The following MAPK8IP3 variants were observed in gnomAD, a reference collection of about 807,000 sequenced individuals.
MAPK8IP3 encodes the protein mitogen-activated protein kinase 8 interacting protein 3, also known as C-Jun-amino-terminal kinase-interacting protein 3.
In MAPK8IP3, 49 loss-of-function variants were observed where a neutral mutation model predicts 157.8. That is an observed-to-expected ratio of 0.31 (90% CI 0.25 to 0.39). MAPK8IP3 has a LOEUF of 0.39. Ranked by LOEUF, MAPK8IP3 falls within the 10% of genes least tolerant of loss-of-function variation. The pLI is 1.00. For missense variants in MAPK8IP3, 1,478 were observed against 1,889.4 expected (o/e 0.78, Z 4.04); for synonymous variants, 897 against 777.7 (o/e 1.15, Z -2.55).
rs947074544 is a variant in MAPK8IP3, at chr16:1,770,009, G to C, written c.*1185G>C. On this transcript the variant is annotated 3_prime_UTR_variant, in exon 32 of 32. Transcript: ENST00000610761. Reference sequence around the variant, plus strand: ...AGGCCCACTGCACTCCTGTCTGGGAGGCCCTTATGAGGGCAGCCCAGCCCC... The same window carrying C: ...AGGCCCACTGCACTCCTGTCTGGGACGCCCTTATGAGGGCAGCCCAGCCCC... The C allele has an allele frequency of 6.6e-6, 1 of 152,386 alleles. No individual in the cohort carries two copies. The highest frequency in any genetic ancestry group is 1.5e-5 in the Non-Finnish European group (1 of 68,178). 9.4% of individuals were successfully genotyped at this position (152,386 alleles called of 1,614,324 possible).
intron 28 of MAPK8IP3, 58 bp from the exon 29 acceptor site, chr16:1,768,011 C>T (rs2042376551): frequency 1.2e-6 from 2 of 1,610,518 alleles, no homozygotes; most frequent in East Asian, 2.2e-5. Flanking sequence ...TGGAGGGTGC[C>T]TTGCTGCCCC....
At position 1,768,931 on chromosome 16, in the gene MAPK8IP3, C is replaced by G; in HGVS notation, c.*107C>G. The G allele has an allele frequency of 7.5e-7, 1 of 1,327,366 alleles. No homozygotes were observed. The highest frequency in any genetic ancestry group is 1.3e-5 in the South Asian group (1 of 74,620). 82.2% of individuals were successfully genotyped at this position (1,327,366 alleles called of 1,614,324 possible). On this transcript the variant is annotated 3_prime_UTR_variant, in exon 32 of 32. Transcript: ENST00000610761. ...GGCGCCGCCGCCCCTCTTCTAACCT[C>G]TCAACCTGCAGCTTTCACCTGAGTC... is the stretch of plus-strand genomic sequence containing the variant.
chr16:1,739,990 G>C lies in MAPK8IP3; in HGVS notation c.603-3342G>C, dbSNP rs528564062. 6.1e-5 allele frequency among the ~76,000 whole-genome samples: 8 copies of C among 132,018 alleles called. No individual in the cohort carries two copies. The East Asian group carries it at 9.3e-4, about 15-fold the overall frequency. The allele number at this position is 132,018 out of a possible 152,430, so 86.6% of individuals were successfully genotyped here. On this transcript the variant is annotated intron_variant, in intron 4 of 31. Transcript: ENST00000610761. ...TGTGAGCGTGTGACCGTCCGTGTGAGCATCCGTGTGACCATCCGTGTGAGC... is the reference window on the plus strand; with the variant it reads ...TGTGAGCGTGTGACCGTCCGTGTGACCATCCGTGTGACCATCCGTGTGAGC...
intron 19 of MAPK8IP3, 100 bp from the exon 20 acceptor site, chr16:1,764,913 A>G: frequency 8.0e-7 from 1 of 1,242,364 alleles, no homozygotes; most frequent in Non-Finnish European, 1.1e-6. Context: ...AGCTGTAGTC[A>G]AGGCTGGATC....
intron 4 of MAPK8IP3, among the ~76,000 whole-genome samples, chr16:1,736,645 ACCG>A (rs2039880730): frequency 1.7e-5 from 1 of 57,282 alleles, no homozygotes; most frequent in Non-Finnish European, 3.2e-5. Context: ...TGAGCGTGTG[ACCG>A]TCCGTGTGAG....
At position 1,758,041 on chromosome 16, in the gene MAPK8IP3, A is replaced by C. The variant is rs1330608210; in HGVS notation, c.1217-107A>C. On this transcript the variant is annotated intron_variant, in intron 8 of 31. Coordinates refer to ENST00000610761, the MANE Select transcript of MAPK8IP3 (RefSeq NM_001318852.2). ...CTGCCCTGCAACATGGGAGCAGCCG[A>C]ATCATTGCTGGGTTTTCTGTAATAA... 3 of 1,158,310 alleles carry C rather than the reference A, an allele frequency of 2.6e-6. No homozygotes were observed. The East Asian group carries it at 7.2e-5, about 28-fold the overall frequency. 71.8% of individuals were successfully genotyped at this position (1,158,310 alleles called of 1,614,324 possible). A position where few individuals can be genotyped will look rare whatever the true frequency, so the allele number is the denominator to read the frequency against.
chr16:1,745,523 A>T (rs2040909930), intron 5 of MAPK8IP3: 1 of 152,344 alleles, frequency 6.6e-6, no homozygotes, highest in Non-Finnish European at 1.5e-5. Context: ...CATTTCTACA[A>T]AGCCACTCCG....
At chr16:1,761,039 C>G (rs999041754) in intron 12 of MAPK8IP3, among the ~76,000 whole-genome samples, 185 bp from the exon 13 acceptor site, 1 of 152,236 alleles carries the variant, frequency 6.6e-6, no homozygotes, top group African/African-American at 2.4e-5. Flanking sequence ...GGCCACCTGT[C>G]CCCAGGGAAC....
intron 22 of MAPK8IP3, 40 bp from the exon 23 acceptor site, chr16:1,766,489 T>C (rs1266689517): frequency 6.2e-7 from 1 of 1,606,150 alleles, no homozygotes. Flanking sequence ...GGCAGGTGCG[T>C]GCTCCGTGGC....
chr16:1,744,599 C>T (rs1596691786), intron 5 of MAPK8IP3: 1 of 985,516 alleles, frequency 1.0e-6, no homozygotes, highest in African/African-American at 1.7e-5. Flanking sequence ...CTCACTGTCT[C>T]TGGCTCACGC....
rs1391404724 is a variant in MAPK8IP3, at chr16:1,759,861, A to C, written c.1247-97A>C. On this transcript the variant is annotated intron_variant, in intron 10 of 31. Transcript: ENST00000610761. ...ATCGGGCGTCATCCCCAGCCAGGCT[A>C]CCCTCTTTGGAAGCGTTGTTGCCCT... is the stretch of plus-strand genomic sequence containing the variant. The C allele has an allele frequency of 1.5e-5, 16 of 1,085,272 alleles. No homozygotes were observed. The African/African-American group carries it at 2.3e-4, about 16-fold the overall frequency. 67.2% of individuals were successfully genotyped at this position (1,085,272 alleles called of 1,614,324 possible). A position where few individuals can be genotyped will look rare whatever the true frequency, so the allele number is the denominator to read the frequency against.
At chr16:1,764,583 G>T in intron 19 of MAPK8IP3, 124 bp downstream of exon 19, 1 of 1,327,316 alleles carries the variant, frequency 7.5e-7, no homozygotes, top group Non-Finnish European at 1.0e-6. Context: ...GGGCAGCGCA[G>T]GGGCTCCTAG....
intron 1 of MAPK8IP3, among the ~76,000 whole-genome samples, chr16:1,712,313 G>A (rs577958080): frequency 6.3e-4 from 96 of 151,782 alleles, no homozygotes; most frequent in Admixed American, 2.4e-3. Context: ...CACCCATCTC[G>A]GCCTCCCAAA....
Position 1,737,994 on chromosome 16 carries a change from C to A in MAPK8IP3, c.603-5338C>A. Among the ~76,000 whole-genome samples, 2 of 78,300 alleles carry A rather than the reference C, an allele frequency of 2.6e-5. 1 individual carries two copies. Among genetic ancestry groups the A allele is most frequent in the South Asian group, 1.6e-3 (2 of 1,234 alleles). The allele number at this position is 78,300 out of a possible 152,430, so 51.4% of individuals were successfully genotyped here. On this transcript the variant is annotated intron_variant, in intron 4 of 31. Coordinates refer to ENST00000610761, the MANE Select transcript of MAPK8IP3 (RefSeq NM_001318852.2). ...AGCGTGTGACCGTCCGTGTGACCATCCATGTGAGCATCTGTGTGACCGTCC... is the reference window on the plus strand; with the variant it reads ...AGCGTGTGACCGTCCGTGTGACCATACATGTGAGCATCTGTGTGACCGTCC...
chr16:1,758,965 G>A lies in MAPK8IP3; in HGVS notation c.1229-13G>A, dbSNP rs2041776930. 6.2e-7 allele frequency: 1 copy of A among 1,614,030 alleles called. No individual in the cohort carries two copies. The highest frequency in any genetic ancestry group is 8.5e-7 in the Non-Finnish European group (1 of 1,180,020). ...GGTTGCCCATCTCCTGTGGGACGGG[G>A]ACGGCTCCCTAGTGCGCGATGATTT... is the stretch of plus-strand genomic sequence containing the variant. On this transcript the variant is annotated splice_polypyrimidine_tract_variant and intron_variant, in intron 9 of 31. Coordinates refer to ENST00000610761, the MANE Select transcript of MAPK8IP3 (RefSeq NM_001318852.2).
At chr16:1,766,455 G>A in intron 22 of MAPK8IP3, 46 bp downstream of exon 22, 1 of 1,603,422 alleles carries the variant, frequency 6.2e-7, no homozygotes, top group Non-Finnish European at 8.5e-7. Flanking sequence ...GCTTGCAGAG[G>A]TGGGAAGGGC....
In MAPK8IP3 at chr16:1,742,624, C is replaced by T. The variant is rs182748555; in HGVS notation, c.603-708C>T. ...GGGGCCAAGGAACAAGGCACAGGGGCAGGAAGGCTGGATTCCCTCTGCTGG... is the reference window on the plus strand; with the variant it reads ...GGGGCCAAGGAACAAGGCACAGGGGTAGGAAGGCTGGATTCCCTCTGCTGG... On this transcript the variant is annotated intron_variant, in intron 4 of 31. Coordinates refer to ENST00000610761, the MANE Select transcript of MAPK8IP3 (RefSeq NM_001318852.2). The surrounding 1 kb of genome is among the most constrained non-coding windows in gnomAD (Gnocchi z 5.0). Among the ~76,000 whole-genome samples, 4 of 152,284 alleles carry T rather than the reference C, an allele frequency of 2.6e-5. No individual in the cohort carries two copies. Among genetic ancestry groups the T allele is most frequent in the East Asian group, 1.9e-4 (1 of 5,180 alleles).
chr16:1,717,251 A>AT (rs34887531), intron 1 of MAPK8IP3, among the ~76,000 whole-genome samples: 1 of 147,848 alleles, frequency 6.8e-6, no homozygotes. Flanking sequence ...AAAAAAAAAA[A>AT]AAAGAAAGAA....
intron 4 of MAPK8IP3, among the ~76,000 whole-genome samples, chr16:1,733,557 T>C (rs970671561): frequency 1.1e-4 from 17 of 152,176 alleles, no homozygotes; most frequent in African/African-American, 4.1e-4. Flanking sequence ...GGGCAGAAGG[T>C]GGCCCAGGAA....
Sources: gnomAD v4.1 joint callset for allele counts (sites outside exome capture counted in the v4.1 genomes callset) on GRCh38, gnomAD v4.1.1 for gene constraint, Gnocchi (gnomAD v3.1) non-coding constraint, MANE v1.5 for transcripts, NCBI Gene and HGNC (gene_info 2026-07-23, HGNC 2026-07-21) for gene names.